The following PDZD7 variants were observed in gnomAD, a reference collection of about 807,000 sequenced individuals.
The protein encoded by PDZD7 is PDZ domain-containing protein 7.
Under a neutral mutation model 84.7 loss-of-function variants are expected in PDZD7, and 72 were observed. That is an observed-to-expected ratio of 0.85 (90% confidence interval 0.70 to 1.03). The LOEUF (loss-of-function observed/expected upper bound fraction) is 1.03. Ranked by LOEUF, PDZD7 falls within the 50% of genes least tolerant of loss-of-function variation. The probability of loss-of-function intolerance (pLI) is 0.00; values close to 1 mark genes in which losing one functional copy is unlikely to be tolerated. For synonymous variants in PDZD7, 594 were observed against 580.7 expected (o/e 1.02, Z -0.33); for missense variants, 1,490 against 1,412.9 (o/e 1.05, Z -0.87).
rs184247824 is a variant in PDZD7 at position 101,008,859 on chromosome 10, G to T, written c.2719-9C>A. ...ACAAGCTCGAAGCCAGCCTAGGGTGGGGTGAGAGAGTCACATCCCTCCCTC... is the reference window on the plus strand; with the variant it reads ...ACAAGCTCGAAGCCAGCCTAGGGTGTGGTGAGAGAGTCACATCCCTCCCTC... On this transcript the variant is annotated splice_polypyrimidine_tract_variant and intron_variant, in intron 16 of 16. Transcript: ENST00000619208. The T allele has an allele frequency of 3.2e-4, 480 of 1,477,962 alleles. No individual in the cohort carries two copies. The African/African-American group carries it at 6.2e-3, about 19-fold the overall frequency. 91.6% of individuals were successfully genotyped at this position (1,477,962 alleles called of 1,614,324 possible). A position where few individuals can be genotyped will look rare whatever the true frequency, so the allele number is the denominator to read the frequency against.
Position 101,010,470 on chromosome 10 carries a change from T to G in PDZD7, c.2419A>C (p.Met807Leu). 6.5e-6 allele frequency: 10 copies of G among 1,535,824 alleles called. No homozygotes were observed. Among genetic ancestry groups the G allele is most frequent in the Non-Finnish European group, 8.7e-6 (10 of 1,146,706 alleles). ...PSPVPTPAPSMTNGRYHKPRK... is the reference protein window; with the variant it reads ...PSPVPTPAPSLTNGRYHKPRK... ...GGCTTGTGGTAGCGCCCATTGGTCA[T>G]GCTGGGGGCAGGGGTAGGCACCGGG... Residue 807 changes from methionine (M) to leucine (L), a missense_variant, in exon 15 of 17, where the codon ATG becomes CTG. Physicochemically the swap from Met to Leu is conservative, Grantham distance 15 (BLOSUM62 2). Transcript: ENST00000619208.
At chr10:101,015,875 A>G in intron 10 of PDZD7, 64 bp from the exon 11 acceptor site, 1 of 1,491,214 alleles carries the variant, frequency 6.7e-7, no homozygotes, top group Non-Finnish European at 9.0e-7. Flanking sequence ...GGGCCCCAGA[A>G]TTGGCCAGCT....
At chr10:101,016,174 A>C (rs189703880) in intron 10 of PDZD7, among the ~76,000 whole-genome samples, 3 of 152,110 alleles carry the variant, frequency 2.0e-5, no homozygotes, top group African/African-American at 7.2e-5. Flanking sequence ...ATGCATCCCA[A>C]TATCTGTCTG....
chr10:101,023,733 G>A (rs1853262983), intron 3 of PDZD7, 123 bp from the exon 4 acceptor site: 1 of 1,442,584 alleles, frequency 6.9e-7, no homozygotes, highest in East Asian at 2.3e-5. Flanking sequence ...GTCAGAGCAG[G>A]GGCTGAGTGT....
chr10:101,030,474 C>A, intron 1 of PDZD7, 90 bp from the exon 2 acceptor site: 1 of 632,204 alleles, frequency 1.6e-6, no homozygotes, highest in South Asian at 1.7e-5. Flanking sequence ...GTTTAAGCAT[C>A]CTGCCCTCCC....
chr10:101,009,599 C>CT (rs142806278), intron 15 of PDZD7, among the ~76,000 whole-genome samples: 23,466 of 62,158 alleles, frequency 0.38, 5,515 homozygotes, highest in Non-Finnish European at 0.48. Context: ...GAGACAGAGT[C>CT]TTTTTTTTTT....
intron 7 of PDZD7, among the ~76,000 whole-genome samples, chr10:101,019,801 T>C (rs1308106544): frequency 2.6e-5 from 4 of 151,890 alleles, no homozygotes; most frequent in African/African-American, 4.8e-5. Flanking sequence ...AATTTTTGTA[T>C]TTTTAGTAGA....
chr10:101,030,296 C>A lies in PDZD7; in HGVS notation c.-77G>T, dbSNP rs887802061. ...CTGGAGAGGCCAGCCCTGCGTGCTT[C>A]GAGCTCCATGAGCCTCTGTGCGGGG... On this transcript the variant is annotated 5_prime_UTR_variant, in exon 2 of 17. An upstream open reading frame in the 5' UTR gains an earlier in-frame stop. Coordinates refer to ENST00000619208, the MANE Select transcript of PDZD7 (RefSeq NM_001195263.2). The A allele has an allele frequency of 3.8e-6, 5 of 1,299,034 alleles. No homozygotes were observed. The highest frequency in any genetic ancestry group is 5.4e-6 in the Non-Finnish European group (5 of 929,196). 80.5% of individuals were successfully genotyped at this position (1,299,034 alleles called of 1,614,324 possible). A position where few individuals can be genotyped will look rare whatever the true frequency, so the allele number is the denominator to read the frequency against.
intron 2 of PDZD7, among the ~76,000 whole-genome samples, chr10:101,026,136 GA>G (rs1937685690): frequency 5.3e-5 from 8 of 151,680 alleles, no homozygotes; most frequent in Admixed American, 1.3e-4. Context: ...TGTCGGGGAA[GA>G]ATTTTTTTTT....
Position 101,008,207 on chromosome 10 carries a change from C to G in PDZD7, c.*260G>C. On this transcript the variant is annotated 3_prime_UTR_variant, in exon 17 of 17. Coordinates refer to ENST00000619208, the MANE Select transcript of PDZD7 (RefSeq NM_001195263.2). ...AGCTCCAGACCTTGGCTTTCTCACCCCCTATCCTGGCTTGGGAGGTTGGGG... is the reference window on the plus strand; with the variant it reads ...AGCTCCAGACCTTGGCTTTCTCACCGCCTATCCTGGCTTGGGAGGTTGGGG... The G allele has an allele frequency of 2.0e-6, 1 of 506,952 alleles. No individual in the cohort carries two copies. Among genetic ancestry groups the G allele is most frequent in the Non-Finnish European group, 3.5e-6 (1 of 289,324 alleles). The allele number at this position is 506,952 out of a possible 1,614,324, so 31.4% of individuals were successfully genotyped here. A position where few individuals can be genotyped will look rare whatever the true frequency, so the allele number is the denominator to read the frequency against.
intron 6 of PDZD7, among the ~76,000 whole-genome samples, chr10:101,021,316 G>A (rs530738593): frequency 4.1e-4 from 62 of 152,194 alleles, no homozygotes; most frequent in African/African-American, 5.8e-4. Context: ...TCCAGGAGCC[G>A]GAATGAGAAG....
At chr10:101,013,797 G>A (rs558730219) in intron 11 of PDZD7, among the ~76,000 whole-genome samples, 2 of 152,166 alleles carry the variant, frequency 1.3e-5, no homozygotes, top group African/African-American at 4.8e-5. Context: ...AAGACAATGG[G>A]TCACCAGGTG....
chr10:101,010,974 G>C lies in PDZD7; in HGVS notation c.2006-91C>G, dbSNP rs1590045800. 11 of 1,526,684 alleles carry C rather than the reference G, an allele frequency of 7.2e-6. No individual in the cohort carries two copies. In the East Asian group the frequency reaches 2.5e-4, roughly 34 times the overall value. The allele number at this position is 1,526,684 out of a possible 1,614,324, so 94.6% of individuals were successfully genotyped here. On this transcript the variant is annotated intron_variant, in intron 14 of 16. Transcript: ENST00000619208. The stretch of plus-strand genomic sequence containing the variant: ...TTTGTGTGGGGCCTGTGAGAGCCAG[G>C]CCCGAGTTTGTTCAGGCACCACTGC...
At chr10:101,022,424 T>C (rs367886669) in intron 4 of PDZD7, 39 bp from the exon 5 acceptor site, 7 of 1,611,456 alleles carry the variant, frequency 4.3e-6, no homozygotes, top group Admixed American at 1.7e-5. Flanking sequence ...GGGTCCTCCA[T>C]CCACTGCCAC....
At chr10:101,008,902 C>G in intron 16 of PDZD7, 52 bp from the exon 17 acceptor site, 1 of 1,451,280 alleles carries the variant, frequency 6.9e-7, no homozygotes, top group East Asian at 2.5e-5. Context: ...CACCCTGCAT[C>G]AGCCCCCAAC....
rs201110369 is a variant in PDZD7 at position 101,007,809 on chromosome 10, T to TA, written c.*657dup. 48 of 328,222 alleles carry TA rather than the reference T, an allele frequency of 1.5e-4. 2 individuals carry two copies. The highest frequency in any genetic ancestry group is 6.9e-4 in the South Asian group (6 of 8,654). 20.3% of individuals were successfully genotyped at this position (328,222 alleles called of 1,614,324 possible). On this transcript the variant is annotated 3_prime_UTR_variant, in exon 17 of 17. Transcript: ENST00000619208. ...TCTTGTACAAACCCAAAGAAAAAAT[T>TA]AAAAAAAATTTTTTTGTTTAAAAAT...
At chr10:101,016,743 G>T (rs918722390) in intron 9 of PDZD7, among the ~76,000 whole-genome samples, 1 of 152,216 alleles carries the variant, frequency 6.6e-6, no homozygotes, top group South Asian at 2.1e-4. Flanking sequence ...ACCTTCAGGG[G>T]ACAGAGGGAA....
rs1474722725 is a variant in PDZD7 at position 101,023,510 on chromosome 10, G to T, written c.468C>A (p.Ser156Arg). 3 of 1,614,016 alleles carry T rather than the reference G, an allele frequency of 1.9e-6. No individual in the cohort carries two copies. The highest frequency in any genetic ancestry group is 2.5e-6 in the Non-Finnish European group (3 of 1,180,046). The change falls in exon 4 of 17, where the codon AGC becomes AGA. Residue 156 changes from serine to arginine, a missense_variant. Physicochemically the swap from Ser to Arg is moderately radical, Grantham distance 110. Coordinates refer to ENST00000619208, the MANE Select transcript of PDZD7 (RefSeq NM_001195263.2). ...MGSAVKVLTSSSRLHMMVRRM... is the reference protein window; with the variant it reads ...MGSAVKVLTSRSRLHMMVRRM... ...GCCGAACCATCATGTGCAGGCGGCT[G>T]CTGCTGGTCAGCACCTTTACGGCGC... is the stretch of plus-strand genomic sequence containing the variant.
At chr10:101,024,937 C>T (rs1377241248) in intron 2 of PDZD7, among the ~76,000 whole-genome samples, 19 of 152,016 alleles carry the variant, frequency 1.2e-4, no homozygotes. Context: ...CTGATACTCC[C>T]AGGGTCAGAT....
Sources: gnomAD v4.1 joint callset for allele counts (sites outside exome capture counted in the v4.1 genomes callset) on GRCh38, gnomAD v4.1.1 for gene constraint, MANE v1.5 for transcripts, NCBI Gene and HGNC (gene_info 2026-07-23, HGNC 2026-07-21) for gene names.